The following TMEM117 variants were observed in gnomAD, a reference collection of about 807,000 sequenced individuals.
TMEM117 encodes transmembrane protein 117.
In TMEM117, 27 loss-of-function variants were observed where a neutral mutation model predicts 52.4. The observed-to-expected ratio is 0.51, with a 90% CI of 0.38 to 0.71. The LOEUF is 0.71. Among genes scored for constraint, TMEM117 ranks in the 30% least tolerant of loss-of-function variants. The probability of loss-of-function intolerance (pLI) is 0.00; values close to 1 mark genes in which losing one functional copy is unlikely to be tolerated. For missense variants in TMEM117, 556 were observed against 630.5 expected, an observed-to-expected ratio of 0.88 and a Z score of 1.26; for synonymous variants, 215 against 206.3, an observed-to-expected ratio of 1.04 and a Z score of -0.36.
intron 2 of TMEM117, among the ~76,000 whole-genome samples, chr12:43,865,776 A>G (rs1261104556): frequency 6.6e-6 from 1 of 151,852 alleles, no homozygotes; most frequent in African/African-American, 2.4e-5. Flanking sequence ...CACAAGTTCA[A>G]AGTGATTAGC....
intron 2 of TMEM117, among the ~76,000 whole-genome samples, chr12:43,913,680 C>T (rs999718626): frequency 8.6e-5 from 13 of 151,832 alleles, no homozygotes; most frequent in Admixed American, 7.2e-4. Context: ...GTTGCTTTTA[C>T]AGTATGCATT....
intron 5 of TMEM117, among the ~76,000 whole-genome samples, chr12:44,230,171 A>G (rs2138449368): frequency 6.6e-6 from 1 of 152,186 alleles, no homozygotes; most frequent in Admixed American, 6.6e-5. Context: ...TTTTATACAT[A>G]AGGAAACAGG....
intron 3 of TMEM117, among the ~76,000 whole-genome samples, chr12:44,099,650 C>T (rs897194154): frequency 8.6e-5 from 13 of 151,872 alleles, no homozygotes; most frequent in African/African-American, 1.9e-4. Context: ...AATGCATTGG[C>T]GAATTGGGTG....
rs370647672 is a variant in TMEM117, at chr12:44,316,477, G to T, written c.768+16738G>T. ...TTTAAATTGATGGGATTCCATTTGTGCATGGTCTGAACTTTTTCTCTAGCT... is the reference window on the plus strand; with the variant it reads ...TTTAAATTGATGGGATTCCATTTGTTCATGGTCTGAACTTTTTCTCTAGCT... On this transcript the variant is annotated intron_variant, in intron 6 of 7. Transcript: ENST00000266534. 2.5e-4 allele frequency among the ~76,000 whole-genome samples: 38 copies of T among 152,198 alleles called. No homozygotes were observed. In the South Asian group the frequency reaches 6.0e-3, roughly 24 times the overall value.
At chr12:43,922,002 C>G (rs1170867072) in intron 2 of TMEM117, among the ~76,000 whole-genome samples, 1 of 152,104 alleles carries the variant, frequency 6.6e-6, no homozygotes, top group Non-Finnish European at 1.5e-5. Context: ...CATAAAAGTC[C>G]TAAAGCTTCT....
intron 2 of TMEM117, among the ~76,000 whole-genome samples, chr12:43,929,241 C>A (rs1254495685): frequency 6.6e-6 from 1 of 152,020 alleles, no homozygotes; most frequent in Non-Finnish European, 1.5e-5. Context: ...TTTTTATTTA[C>A]CTTCTGTCTT....
chr12:43,964,477 T>A (rs975918217), intron 3 of TMEM117, among the ~76,000 whole-genome samples: 1 of 152,210 alleles, frequency 6.6e-6, no homozygotes. Context: ...CTTCTCCACC[T>A]TCTAACACAC....
chr12:43,865,406 T>C (rs1028601725), intron 2 of TMEM117, among the ~76,000 whole-genome samples: 1 of 152,138 alleles, frequency 6.6e-6, no homozygotes, highest in African/African-American at 2.4e-5. Flanking sequence ...CAAAAACTAA[T>C]GTAGATTTGG....
At chr12:43,957,198 C>T (rs554555564) in intron 3 of TMEM117, among the ~76,000 whole-genome samples, 3 of 152,040 alleles carry the variant, frequency 2.0e-5, no homozygotes, top group East Asian at 1.9e-4. Context: ...AGCTGATGCA[C>T]GCTGGGCTTA....
intron 3 of TMEM117, among the ~76,000 whole-genome samples, chr12:43,977,782 A>G: frequency 6.6e-6 from 1 of 152,178 alleles, no homozygotes; most frequent in South Asian, 2.1e-4. Flanking sequence ...GTGAGCTGGC[A>G]TAAGTCGGAC....
rs866472220 is a variant in TMEM117 at position 44,353,328 on chromosome 12, T to C, written c.769-23267T>C. Among the ~76,000 whole-genome samples, 1,073 of 152,326 alleles carry C rather than the reference T, an allele frequency of 7.0e-3. 12 individuals carry two copies. The highest frequency in any genetic ancestry group is 0.023 in the African/African-American group (961 of 41,566). ...AGATCCCATTTGTCAATTTTGTCTTTGGTTGCCATTGCTTTTGGTGTTTTA... is the reference window on the plus strand; with the variant it reads ...AGATCCCATTTGTCAATTTTGTCTTCGGTTGCCATTGCTTTTGGTGTTTTA... On this transcript the variant is annotated intron_variant, in intron 6 of 7. Coordinates refer to ENST00000266534, the MANE Select transcript of TMEM117 (RefSeq NM_032256.3).
At chr12:44,083,693 T>C (rs1310259591) in intron 3 of TMEM117, 1 of 152,148 alleles carries the variant, frequency 6.6e-6, no homozygotes, top group Non-Finnish European at 1.5e-5. Flanking sequence ...TATAAACTAC[T>C]GCACCTGGCC....
upstream of TMEM117, among the ~76,000 whole-genome samples, chr12:43,834,386 T>C (rs965945215): frequency 6.6e-5 from 10 of 152,208 alleles, no homozygotes; most frequent in African/African-American, 2.4e-4. Flanking sequence ...CTATGTTAGG[T>C]ACTAAGGATA....
chr12:43,856,402 A>G (rs986030308), intron 2 of TMEM117, among the ~76,000 whole-genome samples: 11 of 152,164 alleles, frequency 7.2e-5, no homozygotes, highest in African/African-American at 2.7e-4. Context: ...GCCCAAAGTG[A>G]CCAACAGAAT....
intron 4 of TMEM117, among the ~76,000 whole-genome samples, chr12:44,158,834 A>C (rs1449129751): frequency 6.6e-6 from 1 of 152,170 alleles, no homozygotes; most frequent in Non-Finnish European, 1.5e-5. Flanking sequence ...ACACAATAGG[A>C]AAGTGATTAT....
At chr12:44,363,775 T>A (rs1311227320) in intron 6 of TMEM117, among the ~76,000 whole-genome samples, 38 of 152,208 alleles carry the variant, frequency 2.5e-4, no homozygotes, top group Admixed American at 2.5e-3. Context: ...AGGCAGATGA[T>A]AAATGATTAG....
At chr12:44,011,322 T>C (rs6582496) in intron 3 of TMEM117, among the ~76,000 whole-genome samples, 42,636 of 152,072 alleles carry the variant, frequency 0.28, 8,412 homozygotes, top group African/African-American at 0.57. Context: ...TGTGTCCCAC[T>C]CAAATCTCAT....
At chr12:44,000,008 A>G (rs1265273138) in intron 3 of TMEM117, among the ~76,000 whole-genome samples, 2 of 152,190 alleles carry the variant, frequency 1.3e-5, no homozygotes, top group East Asian at 1.9e-4. Context: ...ACTATCATCA[A>G]TTTTGCCCAA....
chr12:43,901,056 T>C (rs1944296071), intron 2 of TMEM117, among the ~76,000 whole-genome samples: 1 of 152,206 alleles, frequency 6.6e-6, no homozygotes, highest in Non-Finnish European at 1.5e-5. Flanking sequence ...TTTCTTTTGA[T>C]ATAAATGAAA....
Sources: gnomAD v4.1 joint callset for allele counts (sites outside exome capture counted in the v4.1 genomes callset) on GRCh38, gnomAD v4.1.1 for gene constraint, MANE v1.5 for transcripts, NCBI Gene and HGNC (gene_info 2026-07-23, HGNC 2026-07-21) for gene names.